The following ZFHX3 variants were observed in gnomAD, a reference collection of about 807,000 sequenced individuals.
ZFHX3 encodes zinc finger homeobox 3, also known as zinc finger homeobox protein 3.
Under a neutral mutation model 279.1 loss-of-function variants are expected in ZFHX3, and 42 were observed. The ratio of observed to expected loss-of-function variants is 0.15; its 90% CI spans 0.12 to 0.19. ZFHX3 has a LOEUF of 0.19. Among genes scored for constraint, ZFHX3 ranks in the 10% least tolerant of loss-of-function variants. The probability of loss-of-function intolerance (pLI) is 1.00; values close to 1 mark genes in which losing one functional copy is unlikely to be tolerated. For synonymous variants in ZFHX3, 2,293 were observed against 1,957.8 expected (o/e 1.17, Z -4.52); for missense variants, 4,981 against 4,754.0 (o/e 1.05, Z -1.40).
chr16:73,606,041 G>A (rs977771119), intron 2 of ZFHX3, among the ~76,000 whole-genome samples: 3 of 151,600 alleles, frequency 2.0e-5, no homozygotes, highest in Admixed American at 6.6e-5. Context: ...AAATTACCCC[G>A]GCGTGGTGGC....
At chr16:73,434,117 CT>C (rs2017956833) in intron 3 of ZFHX3, among the ~76,000 whole-genome samples, 1 of 152,214 alleles carries the variant, frequency 6.6e-6, no homozygotes, top group Admixed American at 6.5e-5. Flanking sequence ...CAAACACACA[CT>C]GTAATTCAGA....
At chr16:73,138,488 G>C (rs1334381146) in intron 6 of ZFHX3, among the ~76,000 whole-genome samples, 3 of 152,128 alleles carry the variant, frequency 2.0e-5, no homozygotes, top group Non-Finnish European at 2.9e-5. Flanking sequence ...AGAAGAGTAG[G>C]AGGCAGGGAG....
chr16:73,399,027 C>T (rs1375344007), intron 3 of ZFHX3, among the ~76,000 whole-genome samples: 1 of 130,684 alleles, frequency 7.7e-6, no homozygotes, highest in Non-Finnish European at 1.6e-5. Context: ...ACCATGCCCC[C>T]CGCTAATTTT....
chr16:73,659,281 G>A (rs544516626), intron 2 of ZFHX3, among the ~76,000 whole-genome samples: 4 of 152,100 alleles, frequency 2.6e-5, no homozygotes, highest in African/African-American at 7.2e-5. Context: ...ATGTACATAC[G>A]TGCAAAAACA....
At chr16:73,602,651 A>T (rs939813727) in intron 2 of ZFHX3, among the ~76,000 whole-genome samples, 9 of 152,144 alleles carry the variant, frequency 5.9e-5, no homozygotes, top group African/African-American at 1.9e-4. Flanking sequence ...ATAACTTCAA[A>T]ATATTATCAT....
intron 2 of ZFHX3, among the ~76,000 whole-genome samples, chr16:73,649,180 A>T (rs530591106): frequency 1.3e-5 from 2 of 152,234 alleles, no homozygotes; most frequent in African/African-American, 4.8e-5. Context: ...GATGTTCCAT[A>T]GGCAAGTAAT....
chr16:73,875,466 T>G (rs1042239607), intron 1 of ZFHX3, among the ~76,000 whole-genome samples: 7 of 152,162 alleles, frequency 4.6e-5, no homozygotes, highest in Non-Finnish European at 1.0e-4. Context: ...ATACAGCATA[T>G]AAAAATATTA....
intron 4 of ZFHX3, among the ~76,000 whole-genome samples, chr16:72,866,336 G>C (rs2038023321): frequency 6.6e-6 from 1 of 152,184 alleles, no homozygotes. Flanking sequence ...TAATGAGGTA[G>C]ACCCCCTGAG....
chr16:72,926,282 G>T (rs140247824), intron 3 of ZFHX3, among the ~76,000 whole-genome samples: 1 of 152,106 alleles, frequency 6.6e-6, no homozygotes, highest in African/African-American at 2.4e-5. Flanking sequence ...CCTAAGCAAT[G>T]TGTATTTTTG....
intron 3 of ZFHX3, among the ~76,000 whole-genome samples, chr16:73,430,130 T>TC (rs2017886119): frequency 6.6e-6 from 1 of 151,958 alleles, no homozygotes; most frequent in African/African-American, 2.4e-5. Context: ...CCTCAAGTGA[T>TC]CCTCCCTCTT....
intron 3 of ZFHX3, among the ~76,000 whole-genome samples, chr16:73,370,695 G>A (rs1040665957): frequency 1.3e-5 from 2 of 152,270 alleles, no homozygotes; most frequent in Non-Finnish European, 1.5e-5. Flanking sequence ...CTATCCCCAC[G>A]GTGCCATGCA....
chr16:73,652,492 A>G (rs1038613200), intron 2 of ZFHX3, among the ~76,000 whole-genome samples: 2 of 152,242 alleles, frequency 1.3e-5, no homozygotes, highest in African/African-American at 4.8e-5. Context: ...GAGAAGGCAG[A>G]AGGAATCCCA....
intron 1 of ZFHX3, among the ~76,000 whole-genome samples, chr16:73,830,855 A>G (rs1960977800): frequency 6.6e-6 from 1 of 152,202 alleles, no homozygotes; most frequent in South Asian, 2.1e-4. Flanking sequence ...TATGCAAATG[A>G]ACAGAAGCCA....
At chr16:73,022,497 C>T (rs1053891074) in intron 1 of ZFHX3, among the ~76,000 whole-genome samples, 3 of 152,200 alleles carry the variant, frequency 2.0e-5, no homozygotes, top group Non-Finnish European at 4.4e-5. Context: ...TCCTGGGCAT[C>T]GCAGGATGTT....
intron 4 of ZFHX3, among the ~76,000 whole-genome samples, chr16:72,863,689 G>C (rs1567553184): frequency 6.6e-6 from 1 of 152,118 alleles, no homozygotes; most frequent in African/African-American, 2.4e-5. Flanking sequence ...TGGATGATGG[G>C]TTCATGGGGT....
chr16:72,902,011 C>T (rs562079020), intron 3 of ZFHX3, among the ~76,000 whole-genome samples: 21 of 152,286 alleles, frequency 1.4e-4, no homozygotes, highest in East Asian at 1.9e-4. Context: ...AACCAGCAAG[C>T]GCAGCCAGCA....
At chr16:72,871,989 G>T (rs2038172950) in intron 4 of ZFHX3, among the ~76,000 whole-genome samples, 1 of 152,052 alleles carries the variant, frequency 6.6e-6, no homozygotes, top group Non-Finnish European at 1.5e-5. Context: ...GGAGGCTGAG[G>T]CAGGAGAATG....
At chr16:73,797,981 G>GT (rs1165997104) in intron 1 of ZFHX3, among the ~76,000 whole-genome samples, 11 of 151,702 alleles carry the variant, frequency 7.3e-5, no homozygotes, top group South Asian at 2.1e-4. Flanking sequence ...CAATTTTTGT[G>GT]TTTTTTTAGT....
chr16:73,723,883 C>T (rs2053496685), intron 1 of ZFHX3, among the ~76,000 whole-genome samples: 1 of 152,168 alleles, frequency 6.6e-6, no homozygotes, highest in Non-Finnish European at 1.5e-5. Context: ...AAACCCAGGA[C>T]ACCCTGATTA....
Sources: gnomAD v4.1 joint callset for allele counts (sites outside exome capture counted in the v4.1 genomes callset) on GRCh38, gnomAD v4.1.1 for gene constraint, MANE v1.5 for transcripts, NCBI Gene and HGNC (gene_info 2026-07-23, HGNC 2026-07-21) for gene names.